C1orf21: variants seen among roughly 807,000 people sequenced by gnomAD.
C1orf21 encodes the protein uncharacterized protein C1orf21.
C1orf21 carries 3 observed loss-of-function variants against 18.7 expected under a neutral mutation model. That is an observed-to-expected ratio of 0.16 (90% CI 0.07 to 0.42). The LOEUF (loss-of-function observed/expected upper bound fraction) is 0.42. Among genes scored for constraint, C1orf21 ranks in the 10% least tolerant of loss-of-function variants. The pLI is 0.99. For missense variants in C1orf21, 104 were observed against 143.6 expected, an observed-to-expected ratio of 0.72 and a Z score of 1.41; for synonymous variants, 41 against 46.4, an observed-to-expected ratio of 0.88 and a Z score of 0.47.
At chr1:184,423,900 T>TC (rs1200248821) in intron 1 of C1orf21, among the ~76,000 whole-genome samples, 95 of 151,846 alleles carry the variant, frequency 6.3e-4, no homozygotes, top group African/African-American at 1.8e-3. Context: ...CATCCATCCA[T>TC]CAATCTATCA....
At position 184,598,460 on chromosome 1, in the gene C1orf21, A is replaced by T. The variant is rs1220373536; in HGVS notation, c.326A>T (p.Lys109Met). 3 of 1,612,654 alleles carry T rather than the reference A, an allele frequency of 1.9e-6. 1 individual carries two copies. The South Asian group carries it at 3.3e-5, about 18-fold the overall frequency. The change falls in exon 5 of 6, where the codon AAG becomes ATG. Residue 109 changes from lysine to methionine, a missense_variant and splice_region_variant. Coordinates refer to ENST00000235307, the MANE Select transcript of C1orf21 (RefSeq NM_030806.4). Reference protein sequence around the residue: ...FFRMLDEKIEKGRDYCSEEED... With the variant: ...FFRMLDEKIEMGRDYCSEEED... ...AGAATGCTGGATGAAAAAATTGAAA[A>T]GGTAAGAAGTGAAATAAATAACCTA...
intron 3 of C1orf21, among the ~76,000 whole-genome samples, chr1:184,549,999 C>T (rs1230763828): frequency 6.6e-6 from 1 of 152,146 alleles, no homozygotes; most frequent in Non-Finnish European, 1.5e-5. Context: ...GAGATATCAG[C>T]ACTTAATTTT....
chr1:184,387,709 C>T lies in C1orf21; in HGVS notation c.-125+341C>T, dbSNP rs1655909580. On this transcript the variant is annotated intron_variant, in intron 1 of 5. Transcript: ENST00000235307. This position sits in a 1 kb window ranked among gnomAD's most constrained non-coding sequence, Gnocchi z 5.6. ...GGGTGGCTGGTGTTAGACACCCCTC[C>T]CTTCCCACCCGCACCCTGCCGCCCT... Among the ~76,000 whole-genome samples the T allele has an allele frequency of 1.3e-5, 2 of 152,172 alleles. 1 individual carries two copies. Among genetic ancestry groups the T allele is most frequent in the South Asian group, 4.1e-4 (2 of 4,828 alleles).
At chr1:184,482,095 G>A (rs981009410) in intron 2 of C1orf21, among the ~76,000 whole-genome samples, 2 of 152,156 alleles carry the variant, frequency 1.3e-5, no homozygotes, top group Non-Finnish European at 2.9e-5. Context: ...CCCAAACATA[G>A]TACCTTGAAA....
intron 1 of C1orf21, among the ~76,000 whole-genome samples, chr1:184,467,898 A>T (rs1175149670): frequency 6.6e-6 from 1 of 152,190 alleles, no homozygotes; most frequent in Non-Finnish European, 1.5e-5. Flanking sequence ...ATTTGCCCAG[A>T]GACACAAAAC....
intron 3 of C1orf21, among the ~76,000 whole-genome samples, chr1:184,524,746 A>G (rs771815742): frequency 5.3e-5 from 8 of 152,044 alleles, no homozygotes; most frequent in Non-Finnish European, 8.8e-5. Flanking sequence ...ACGTCATTCA[A>G]CAAATTTCAA....
At chr1:184,576,049 T>G (rs1020327692) in intron 3 of C1orf21, among the ~76,000 whole-genome samples, 2 of 152,146 alleles carry the variant, frequency 1.3e-5, no homozygotes, top group Non-Finnish European at 2.9e-5. Flanking sequence ...CCAAGCCTGA[T>G]CAGCTTCATT....
intron 2 of C1orf21, among the ~76,000 whole-genome samples, chr1:184,481,486 G>A (rs1657653418): frequency 6.6e-6 from 1 of 152,092 alleles, no homozygotes; most frequent in Non-Finnish European, 1.5e-5. Flanking sequence ...CCCAAAGTTA[G>A]GCAAAAAAGC....
intron 1 of C1orf21, among the ~76,000 whole-genome samples, chr1:184,458,646 A>G (rs190703933): frequency 6.6e-5 from 10 of 152,358 alleles, no homozygotes; most frequent in Middle Eastern, 3.4e-3. Context: ...TCTGGCTTTT[A>G]CAATTATCTG....
intron 5 of C1orf21, among the ~76,000 whole-genome samples, chr1:184,606,544 C>T (rs1233721705): frequency 1.3e-5 from 2 of 152,210 alleles, no homozygotes; most frequent in South Asian, 2.1e-4. Context: ...TGTGCCACTG[C>T]ACTCCAGCCT....
intron 3 of C1orf21, among the ~76,000 whole-genome samples, chr1:184,518,524 A>G (rs564367665): frequency 6.6e-6 from 1 of 152,296 alleles, no homozygotes; most frequent in South Asian, 2.1e-4. Flanking sequence ...TGAAGAAAGG[A>G]TGATATTAAA....
rs142850084 is a variant in C1orf21, at chr1:184,511,091, A to C, written c.189+3409A>C. Among the ~76,000 whole-genome samples, 460 of 152,382 alleles carry C rather than the reference A, an allele frequency of 3.0e-3. 4 individuals are homozygous for C. The highest frequency in any genetic ancestry group is 3.0e-3 in the Non-Finnish European group (204 of 68,034). ...TTGGTGGTGGTGAGAGTAAGTAGTG[A>C]GCATAATGATATGTTGAAATCAGTA... On this transcript the variant is annotated intron_variant, in intron 3 of 5. Coordinates refer to ENST00000235307, the MANE Select transcript of C1orf21 (RefSeq NM_030806.4).
chr1:184,587,002 G>A (rs1042525002), intron 3 of C1orf21, among the ~76,000 whole-genome samples: 2 of 152,112 alleles, frequency 1.3e-5, no homozygotes, highest in Non-Finnish European at 2.9e-5. Context: ...TCTGCATATG[G>A]CTAGCCAGTT....
At chr1:184,420,952 A>G (rs954501959) in intron 1 of C1orf21, among the ~76,000 whole-genome samples, 21 of 152,196 alleles carry the variant, frequency 1.4e-4, no homozygotes, top group African/African-American at 4.1e-4. Context: ...TACTTTGCCT[A>G]TCTTGTGACC....
At chr1:184,564,575 G>C (rs1659010109) in intron 3 of C1orf21, among the ~76,000 whole-genome samples, 1 of 152,158 alleles carries the variant, frequency 6.6e-6, no homozygotes, top group Non-Finnish European at 1.5e-5. Context: ...AAAGTGCTGG[G>C]ATTACAGGTG....
chr1:184,509,621 T>A (rs1199263455), intron 3 of C1orf21, among the ~76,000 whole-genome samples: 2 of 152,156 alleles, frequency 1.3e-5, no homozygotes, highest in Admixed American at 6.6e-5. Flanking sequence ...ATACACATCA[T>A]TTGAAAAAAT....
At chr1:184,566,216 G>C (rs1252363593) in intron 3 of C1orf21, among the ~76,000 whole-genome samples, 1 of 152,146 alleles carries the variant, frequency 6.6e-6, no homozygotes, top group African/African-American at 2.4e-5. Flanking sequence ...CCTGCCCCCA[G>C]GTTGGCTGCA....
At chr1:184,426,934 A>ATCTC (rs1656646211) in intron 1 of C1orf21, among the ~76,000 whole-genome samples, 5 of 152,190 alleles carry the variant, frequency 3.3e-5, no homozygotes, top group African/African-American at 1.2e-4. Flanking sequence ...GGGGCTGGGT[A>ATCTC]CTTAGGAGAT....
chr1:184,624,431 A>AGATGCAACCAGAACAGGCTTTCGAG lies in C1orf21; in HGVS notation c.*4876_*4900dup, dbSNP rs1448326336. On this transcript the variant is annotated 3_prime_UTR_variant, in exon 6 of 6. Coordinates refer to ENST00000235307, the MANE Select transcript of C1orf21 (RefSeq NM_030806.4). The stretch of plus-strand genomic sequence containing the variant: ...CCTGGTATTTCTGCAGTTAGATACC[A>AGATGCAACCAGAACAGGCTTTCGAG]GATGCAACCAGAACAGGCTTTCGAG... The AGATGCAACCAGAACAGGCTTTCGAG allele has an allele frequency of 6.6e-6, 1 of 152,326 alleles. No individual in the cohort carries two copies. The highest frequency in any genetic ancestry group is 2.4e-5 in the African/African-American group (1 of 41,466). The allele number at this position is 152,326 out of a possible 1,614,324, so 9.4% of individuals were successfully genotyped here.
Sources: gnomAD v4.1 joint callset for allele counts (sites outside exome capture counted in the v4.1 genomes callset) on GRCh38, gnomAD v4.1.1 for gene constraint, Gnocchi (gnomAD v3.1) non-coding constraint, MANE v1.5 for transcripts, NCBI Gene and HGNC (gene_info 2026-07-23, HGNC 2026-07-21) for gene names.